The following MRPS28 variants were observed in gnomAD, a reference collection of about 807,000 sequenced individuals.
MRPS28 encodes the protein mitochondrial ribosomal protein S28.
Under a neutral mutation model 10.8 loss-of-function variants are expected in MRPS28, and 7 were observed. That is an observed-to-expected ratio of 0.65 (90% CI 0.37 to 1.22). MRPS28 has a LOEUF of 1.22. Among genes scored for constraint, MRPS28 ranks in the 50% most tolerant of loss-of-function variants. The probability of loss-of-function intolerance (pLI) is 0.02; values close to 1 mark genes in which losing one functional copy is unlikely to be tolerated. For missense variants in MRPS28, 265 were observed against 232.9 expected, an observed-to-expected ratio of 1.14 and a Z score of -0.90; for synonymous variants, 121 against 93.3, an observed-to-expected ratio of 1.30 and a Z score of -1.71.
At chr8:79,947,970 G>T (rs2887646) in intron 2 of MRPS28, among the ~76,000 whole-genome samples, 116,865 of 149,594 alleles carry the variant, frequency 0.78, 46,002 homozygotes, top group African/African-American at 0.88. Context: ...TATATATAGT[G>T]TTAAATTTTT....
intron 1 of MRPS28, among the ~76,000 whole-genome samples, chr8:80,022,878 A>T (rs1308525280): frequency 1.3e-5 from 2 of 152,324 alleles, no homozygotes; most frequent in South Asian, 2.1e-4. Flanking sequence ...AATAGTGAAA[A>T]ACCTAAGGTT....
chr8:80,004,268 G>A (rs1808758827), intron 1 of MRPS28, among the ~76,000 whole-genome samples: 1 of 152,162 alleles, frequency 6.6e-6, no homozygotes, highest in African/African-American at 2.4e-5. Context: ...CACACAGCCG[G>A]GTACCCCTCT....
intron 2 of MRPS28, among the ~76,000 whole-genome samples, chr8:79,928,906 C>T (rs1056887441): frequency 1.8e-4 from 27 of 151,932 alleles, no homozygotes; most frequent in Non-Finnish European, 3.4e-4. Context: ...ATTAGCTGGG[C>T]GTGGTGGCGC....
At chr8:80,007,712 C>CA (rs1165891437) in intron 1 of MRPS28, among the ~76,000 whole-genome samples, 1 of 152,102 alleles carries the variant, frequency 6.6e-6, no homozygotes, top group Non-Finnish European at 1.5e-5. Context: ...ATCCAACTTA[C>CA]AAGGGACGTG....
intron 1 of MRPS28, among the ~76,000 whole-genome samples, chr8:80,018,674 A>G (rs1256006441): frequency 6.6e-6 from 1 of 152,262 alleles, no homozygotes; most frequent in Non-Finnish European, 1.5e-5. Context: ...GGAAATCAGT[A>G]TACTGAAGAG....
At chr8:80,008,303 C>G (rs1375767695) in intron 1 of MRPS28, among the ~76,000 whole-genome samples, 2 of 152,104 alleles carry the variant, frequency 1.3e-5, no homozygotes, top group Non-Finnish European at 2.9e-5. Context: ...AATGTTAGAC[C>G]TAAAACCATA....
intron 2 of MRPS28, among the ~76,000 whole-genome samples, chr8:79,974,411 G>A (rs1807731562): frequency 6.6e-6 from 1 of 151,654 alleles, no homozygotes; most frequent in South Asian, 2.1e-4. Flanking sequence ...GTGGTGGTGG[G>A]CGCCTGTAGT....
chr8:79,991,280 G>C (rs1407954276), intron 2 of MRPS28, among the ~76,000 whole-genome samples: 1 of 150,622 alleles, frequency 6.6e-6, no homozygotes, highest in African/African-American at 2.5e-5. Flanking sequence ...GCATGAGATA[G>C]AAATAACTAC....
intron 2 of MRPS28, among the ~76,000 whole-genome samples, chr8:79,983,969 T>C (rs1808065306): frequency 6.6e-6 from 1 of 151,982 alleles, no homozygotes; most frequent in African/African-American, 2.4e-5. Context: ...AGACACATAA[T>C]TGTCAGATTC....
At chr8:80,006,796 A>G (rs1248299225) in intron 1 of MRPS28, among the ~76,000 whole-genome samples, 102 of 142,892 alleles carry the variant, frequency 7.1e-4, no homozygotes, top group South Asian at 1.1e-3. Context: ...ACCAACCAAA[A>G]AAAGTCCAGG....
At chr8:80,008,160 C>A (rs1808916899) in intron 1 of MRPS28, among the ~76,000 whole-genome samples, 1 of 152,124 alleles carries the variant, frequency 6.6e-6, no homozygotes, top group South Asian at 2.1e-4. Context: ...CTGACAAAAA[C>A]AAGAAATGGG....
chr8:79,983,461 C>A (rs1415278376), intron 2 of MRPS28, among the ~76,000 whole-genome samples: 5 of 152,016 alleles, frequency 3.3e-5, no homozygotes, highest in South Asian at 2.1e-4. Flanking sequence ...AGGCTTCAGA[C>A]GATCAAACTA....
At chr8:79,985,487 G>A (rs912342829) in intron 2 of MRPS28, among the ~76,000 whole-genome samples, 2 of 152,126 alleles carry the variant, frequency 1.3e-5, no homozygotes, top group Non-Finnish European at 2.9e-5. Context: ...GAATCCAGGA[G>A]CTGGTTTTTT....
intron 2 of MRPS28, among the ~76,000 whole-genome samples, chr8:79,931,715 A>G (rs936058114): frequency 1.3e-5 from 2 of 152,180 alleles, no homozygotes; most frequent in South Asian, 2.1e-4. Context: ...AGAACTAGCT[A>G]CTCTCTGTCA....
At chr8:79,923,462 C>T (rs1052282555) in intron 2 of MRPS28, among the ~76,000 whole-genome samples, 1 of 152,028 alleles carries the variant, frequency 6.6e-6, no homozygotes, top group African/African-American at 2.4e-5. Context: ...TAATATTATC[C>T]ATTAGAAAAA....
chr8:79,976,118 T>C (rs1337083312), intron 2 of MRPS28, among the ~76,000 whole-genome samples: 3 of 152,016 alleles, frequency 2.0e-5, no homozygotes, highest in Non-Finnish European at 4.4e-5. Context: ...AGTTTTGCTA[T>C]TGTTGTCCAG....
At chr8:79,976,092 T>G (rs1465032389) in intron 2 of MRPS28, among the ~76,000 whole-genome samples, 2 of 152,096 alleles carry the variant, frequency 1.3e-5, no homozygotes, top group East Asian at 3.9e-4. Flanking sequence ...AATCTTTTTT[T>G]TTTTTTTCCA....
At chr8:79,992,205 G>A (rs1281069975) in intron 2 of MRPS28, among the ~76,000 whole-genome samples, 1 of 152,146 alleles carries the variant, frequency 6.6e-6, no homozygotes, top group African/African-American at 2.4e-5. Context: ...TCTAGCTAAG[G>A]CATTCCTGGA....
chr8:80,003,001 T>C lies in MRPS28; in HGVS notation c.393A>G (p.Gly131=). Residue 131 remains glycine (G), a splice_region_variant and synonymous_variant, in exon 2 of 3, where the codon GGA becomes GGG. Transcript: ENST00000276585. ...TACTTGGAAATGATTTTACTTACTCTCCATCCACTTCTGGTCTTCTACATA... is the reference window on the plus strand; with the variant it reads ...TACTTGGAAATGATTTTACTTACTCCCCATCCACTTCTGGTCTTCTACATA... ...HCVCRRPEVD[G]EKYQKGTRVR... is the part of the protein sequence containing the mutation. 6.4e-7 allele frequency: 1 copy of C among 1,571,248 alleles called. No individual in the cohort carries two copies. The highest frequency in any genetic ancestry group is 8.6e-7 in the Non-Finnish European group (1 of 1,163,134).
Sources: gnomAD v4.1 joint callset for allele counts (sites outside exome capture counted in the v4.1 genomes callset) on GRCh38, gnomAD v4.1.1 for gene constraint, MANE v1.5 for transcripts, NCBI Gene and HGNC (gene_info 2026-07-23, HGNC 2026-07-21) for gene names.